The following CEP57 variants were observed in gnomAD, a reference collection of about 807,000 sequenced individuals.
CEP57 encodes centrosomal protein of 57 kDa.
Under a neutral mutation model 68.0 loss-of-function variants are expected in CEP57, and 40 were observed. The ratio of observed to expected loss-of-function variants is 0.59; its 90% confidence interval spans 0.46 to 0.77. The LOEUF (loss-of-function observed/expected upper bound fraction) is 0.77. Ranked by LOEUF, CEP57 falls within the 30% of genes least tolerant of loss-of-function variation. The pLI, the probability that CEP57 is intolerant of heterozygous loss-of-function variation, is 0.00. For missense variants in CEP57, 606 were observed against 580.7 expected (o/e 1.04, Z -0.45); for synonymous variants, 219 against 198.7 (o/e 1.10, Z -0.86).
At chr11:95,813,200 T>C in intron 3 of CEP57, 89 bp downstream of exon 3, 1 of 1,319,072 alleles carries the variant, frequency 7.6e-7, no homozygotes, top group Non-Finnish European at 1.1e-6. Flanking sequence ...TAGTGTTTTG[T>C]AGCGGTATCT....
At chr11:95,811,342 ACAC>A (rs1184670471) in intron 2 of CEP57, among the ~76,000 whole-genome samples, 5 of 150,856 alleles carry the variant, frequency 3.3e-5, no homozygotes, top group Non-Finnish European at 7.4e-5. Flanking sequence ...AGAAAACCAG[ACAC>A]CACATGTTCT....
At chr11:95,829,436 A>G in intron 10 of CEP57, 105 bp downstream of exon 10, 1 of 1,154,022 alleles carries the variant, frequency 8.7e-7, no homozygotes, top group Non-Finnish European at 1.3e-6. Context: ...ATAAATATCT[A>G]CAGGAGATAC....
At chr11:95,830,825 ATATT>A (rs1189342473) in intron 10 of CEP57, among the ~76,000 whole-genome samples, 197 bp from the exon 11 acceptor site, 4 of 151,388 alleles carry the variant, frequency 2.6e-5, no homozygotes, top group African/African-American at 7.2e-5. Context: ...ATATAAGCAT[ATATT>A]TATTTATATT....
At chr11:95,811,893 A>AT (rs1862078995) in intron 2 of CEP57, among the ~76,000 whole-genome samples, 1 of 152,162 alleles carries the variant, frequency 6.6e-6, no homozygotes, top group Non-Finnish European at 1.5e-5. Flanking sequence ...TTTAAGACTG[A>AT]TTGCCTGAGG....
intron 8 of CEP57, among the ~76,000 whole-genome samples, chr11:95,823,552 GT>G (rs201434393): frequency 0.073 from 11,092 of 151,128 alleles, 503 homozygotes; most frequent in South Asian, 0.17. Flanking sequence ...ATATACACAA[GT>G]TTTTTTTAAT....
upstream of CEP57, chr11:95,790,234 G>T: frequency 5.2e-6 from 1 of 191,366 alleles, no homozygotes; most frequent in East Asian, 1.3e-4. Flanking sequence ...CTTTAACTTC[G>T]CCTTCGCTTT....
At position 95,811,580 on chromosome 11, in the gene CEP57, T is replaced by TA. The variant is rs57349391; in HGVS notation, c.203-1338dup. Among the ~76,000 whole-genome samples, 1,157 of 132,650 alleles carry TA rather than the reference T, an allele frequency of 8.7e-3. 11 individuals carry two copies. The highest frequency in any genetic ancestry group is 0.013 in the African/African-American group (474 of 36,298). 87.0% of individuals were successfully genotyped at this position (132,650 alleles called of 152,430 possible). ...TGTACCCTAGAGCTTAAAGTATAAT[T>TA]AAAAAAAAAAAAAACGTGATGGGAA... is the stretch of plus-strand genomic sequence containing the variant. On this transcript the variant is annotated intron_variant, in intron 2 of 10. Transcript: ENST00000325542.
chr11:95,803,247 T>A (rs574292782), intron 2 of CEP57, among the ~76,000 whole-genome samples: 15 of 152,288 alleles, frequency 9.8e-5, no homozygotes, highest in African/African-American at 3.6e-4. Context: ...GGAATTGATA[T>A]AATTTTGGCT....
At chr11:95,806,692 T>A (rs929838108) in intron 2 of CEP57, among the ~76,000 whole-genome samples, 7 of 152,116 alleles carry the variant, frequency 4.6e-5, no homozygotes, top group African/African-American at 1.4e-4. Context: ...CCGCAATTGC[T>A]GAAGCTTGAG....
intron 8 of CEP57, among the ~76,000 whole-genome samples, chr11:95,824,715 A>C (rs573970642): frequency 2.0e-5 from 3 of 152,212 alleles, no homozygotes; most frequent in Admixed American, 6.5e-5. Context: ...AAGGAGGACA[A>C]GTCAGCACCA....
chr11:95,801,251 A>G (rs888157448), intron 2 of CEP57, among the ~76,000 whole-genome samples: 4 of 152,156 alleles, frequency 2.6e-5, no homozygotes, highest in African/African-American at 9.7e-5. Context: ...AAATAGTGTG[A>G]TGTCTTTTAA....
chr11:95,824,073 T>TAAAAAAAAAAAA (rs71040119), intron 8 of CEP57, among the ~76,000 whole-genome samples: 1 of 112,664 alleles, frequency 8.9e-6, no homozygotes, highest in Non-Finnish European at 1.8e-5. Flanking sequence ...AGGCCTATTG[T>TAAAAAAAAAAAA]AAAAAAAAAA....
intron 2 of CEP57, among the ~76,000 whole-genome samples, chr11:95,801,779 G>T (rs909358074): frequency 6.6e-6 from 1 of 151,718 alleles, no homozygotes; most frequent in Non-Finnish European, 1.5e-5. Flanking sequence ...TTCTGCTTGA[G>T]TGCAACATCA....
rs944172117 is a variant in CEP57 at position 95,791,499 on chromosome 11, T to C, written c.45+756T>C. 2.6e-5 allele frequency among the ~76,000 whole-genome samples: 4 copies of C among 152,222 alleles called. No individual in the cohort carries two copies. In the South Asian group the frequency reaches 8.3e-4, roughly 32 times the overall value. On this transcript the variant is annotated intron_variant, in intron 1 of 10. Transcript: ENST00000325542. ...GATAGGAAGTAAATGTTGGAGCTCT[T>C]ATTTCTCCAGTTAGCAAATGTTCGA...
intron 2 of CEP57, among the ~76,000 whole-genome samples, chr11:95,808,022 C>G (rs908535426): frequency 4.6e-5 from 7 of 152,120 alleles, no homozygotes; most frequent in Middle Eastern, 3.2e-3. Flanking sequence ...GCAGATCTCT[C>G]GGCAGAAACT....
chr11:95,830,360 C>T (rs1862949214), intron 10 of CEP57, among the ~76,000 whole-genome samples: 1 of 152,114 alleles, frequency 6.6e-6, no homozygotes, highest in Non-Finnish European at 1.5e-5. Flanking sequence ...GAAATACAAG[C>T]AAATTATTCC....
chr11:95,799,449 C>A (rs987741142), intron 2 of CEP57, 61 bp downstream of exon 2: 30 of 1,593,358 alleles, frequency 1.9e-5, no homozygotes, highest in Non-Finnish European at 2.6e-5. Context: ...AAATTCTTAA[C>A]TTTGTCCTCC....
intron 4 of CEP57, among the ~76,000 whole-genome samples, chr11:95,816,434 C>G (rs1291787194): frequency 1.3e-5 from 2 of 152,128 alleles, no homozygotes; most frequent in African/African-American, 4.8e-5. Flanking sequence ...ATTATTATGT[C>G]TGCTGTGTTT....
At chr11:95,830,436 C>A (rs2135381870) in intron 10 of CEP57, among the ~76,000 whole-genome samples, 1 of 152,232 alleles carries the variant, frequency 6.6e-6, no homozygotes, top group East Asian at 1.9e-4. Context: ...TATTGGAACA[C>A]CAACATGCCA....
Sources: allele counts gnomAD v4.1 joint callset (sites outside exome capture counted in the v4.1 genomes callset), GRCh38; gene constraint gnomAD v4.1.1; transcripts MANE v1.5; gene names NCBI Gene and HGNC (gene_info 2026-07-23, HGNC 2026-07-21).